Variants in IQCJ observed in about 807,000 individuals in gnomAD.
IQCJ encodes IQ domain-containing protein J.
In IQCJ, 9 loss-of-function variants were observed where a neutral mutation model predicts 11.0. The ratio of observed to expected loss-of-function variants is 0.82; its 90% confidence interval spans 0.49 to 1.43. The LOEUF is 1.43. Ranked by LOEUF, IQCJ falls within the 40% of genes most tolerant of loss-of-function variation. The pLI is 0.00. For missense variants in IQCJ, 146 were observed against 133.2 expected, an observed-to-expected ratio of 1.10 and a Z score of -0.47; for synonymous variants, 55 against 51.3, an observed-to-expected ratio of 1.07 and a Z score of -0.31.
intron 1 of IQCJ, among the ~76,000 whole-genome samples, chr3:159,161,202 C>G (rs1207562311): frequency 2.0e-5 from 3 of 152,160 alleles, no homozygotes; most frequent in Non-Finnish European, 4.4e-5. Context: ...TGTTTCCTGA[C>G]TTTTTAATGA....
intron 1 of IQCJ, among the ~76,000 whole-genome samples, chr3:159,090,436 A>G (rs576510503): frequency 3.3e-5 from 5 of 151,722 alleles, no homozygotes; most frequent in Admixed American, 6.6e-5. Context: ...CCACCCTCAC[A>G]TAAGTTCTGT....
rs144684807 is a variant in IQCJ at position 159,151,763 on chromosome 3, G to C, written c.9+82322G>C. Among the ~76,000 whole-genome samples the C allele has an allele frequency of 5.3e-3, 806 of 152,280 alleles. 9 individuals are homozygous for C. The highest frequency in any genetic ancestry group is 0.019 in the African/African-American group (771 of 41,558). On this transcript the variant is annotated intron_variant, in intron 1 of 3. Transcript: ENST00000397832. ...CCTTTCTCCTGCCTCAGCCTCCTGA[G>C]CAGCTGGGACTACAGGTGCCTGCCA...
intron 1 of IQCJ, among the ~76,000 whole-genome samples, chr3:159,239,905 G>A (rs940571913): frequency 6.6e-6 from 1 of 152,190 alleles, no homozygotes; most frequent in Non-Finnish European, 1.5e-5. Context: ...CAGGTGTGTA[G>A]TAAGCTATAC....
At chr3:159,071,814 A>C (rs1360676154) in intron 1 of IQCJ, among the ~76,000 whole-genome samples, 1 of 152,058 alleles carries the variant, frequency 6.6e-6, no homozygotes, top group Non-Finnish European at 1.5e-5. Context: ...TATTTTATGA[A>C]ACAAATTTAT....
chr3:159,150,587 C>A (rs1721155705), intron 1 of IQCJ, among the ~76,000 whole-genome samples: 1 of 149,448 alleles, frequency 6.7e-6, no homozygotes, highest in African/African-American at 2.5e-5. Context: ...GTCCCCAACA[C>A]ACACACACAC....
intron 1 of IQCJ, among the ~76,000 whole-genome samples, chr3:159,071,517 T>A (rs879870702): frequency 2.0e-5 from 3 of 152,098 alleles, no homozygotes; most frequent in Non-Finnish European, 2.9e-5. Flanking sequence ...TAAATACATA[T>A]ATAGAAATAT....
intron 1 of IQCJ, among the ~76,000 whole-genome samples, chr3:159,091,310 G>A (rs1339112690): frequency 6.6e-6 from 1 of 151,780 alleles, no homozygotes; most frequent in Non-Finnish European, 1.5e-5. Context: ...CAGGCTAGAA[G>A]TCCAAGATCA....
intron 3 of IQCJ, among the ~76,000 whole-genome samples, chr3:159,256,752 C>T (rs1331241267): frequency 2.0e-5 from 3 of 152,116 alleles, no homozygotes; most frequent in Non-Finnish European, 4.4e-5. Context: ...TTTTTATGTC[C>T]ACTTGGGCTA....
chr3:159,202,565 G>T (rs933364343), intron 1 of IQCJ, among the ~76,000 whole-genome samples: 1 of 152,158 alleles, frequency 6.6e-6, no homozygotes, highest in Admixed American at 6.5e-5. Context: ...TTCCTTCATG[G>T]TTCCTCTTGG....
chr3:159,083,284 T>C (rs1264031645), intron 1 of IQCJ, among the ~76,000 whole-genome samples: 1 of 152,170 alleles, frequency 6.6e-6, no homozygotes, highest in Non-Finnish European at 1.5e-5. Context: ...ATAATCCTTT[T>C]GGAAATTGGA....
chr3:159,085,337 T>C (rs1716655015), intron 1 of IQCJ, among the ~76,000 whole-genome samples: 1 of 151,902 alleles, frequency 6.6e-6, no homozygotes, highest in African/African-American at 2.4e-5. Flanking sequence ...TTTGGGTTGG[T>C]TCCAAGTCTT....
At chr3:159,175,124 C>T (rs1015039837) in intron 1 of IQCJ, among the ~76,000 whole-genome samples, 9 of 152,108 alleles carry the variant, frequency 5.9e-5, no homozygotes, top group African/African-American at 1.7e-4. Flanking sequence ...TTTTAATGTA[C>T]GATTCTATGA....
intron 1 of IQCJ, among the ~76,000 whole-genome samples, chr3:159,210,803 T>C (rs1724911409): frequency 6.6e-6 from 1 of 152,136 alleles, no homozygotes; most frequent in Non-Finnish European, 1.5e-5. Context: ...CCTGAGTAGC[T>C]GGATTACAGG....
At chr3:159,087,783 A>T (rs1199187524) in intron 1 of IQCJ, among the ~76,000 whole-genome samples, 3 of 151,184 alleles carry the variant, frequency 2.0e-5, no homozygotes, top group Admixed American at 2.0e-4. Context: ...ATCATTTTTT[A>T]TTGCATCTAT....
chr3:159,086,095 A>G (rs1482543691), intron 1 of IQCJ, among the ~76,000 whole-genome samples: 3 of 152,196 alleles, frequency 2.0e-5, no homozygotes, highest in Non-Finnish European at 4.4e-5. Context: ...ATTTTTGTAT[A>G]AGGTGTAAAG....
chr3:159,258,874 C>G (rs988330063), intron 3 of IQCJ, among the ~76,000 whole-genome samples: 3 of 152,146 alleles, frequency 2.0e-5, no homozygotes, highest in Non-Finnish European at 4.4e-5. Flanking sequence ...CTGAGAGCCT[C>G]TTGCCATCTT....
intron 3 of IQCJ, among the ~76,000 whole-genome samples, chr3:159,256,417 G>T (rs906448237): frequency 3.3e-5 from 5 of 152,168 alleles, no homozygotes; most frequent in African/African-American, 4.8e-5. Context: ...GAACTTTAAA[G>T]ATGTTTAGTA....
rs116213899 is a variant in IQCJ, at chr3:159,145,415, A to G, written c.9+75974A>G. Among the ~76,000 whole-genome samples the G allele has an allele frequency of 5.3e-3, 810 of 152,348 alleles. 3 individuals carry two copies. The highest frequency in any genetic ancestry group is 0.019 in the African/African-American group (776 of 41,582). ...CAAACAATCTATTTGCATTTTAAGA[A>G]GCAATGAAATGCTTTTATCACATAG... On this transcript the variant is annotated intron_variant, in intron 1 of 3. Coordinates refer to ENST00000397832, the MANE Select transcript of IQCJ (RefSeq NM_001042706.3).
intron 1 of IQCJ, among the ~76,000 whole-genome samples, chr3:159,205,108 A>C (rs1724574602): frequency 6.6e-6 from 1 of 152,208 alleles, no homozygotes; most frequent in Non-Finnish European, 1.5e-5. Context: ...CAGAAGGAAG[A>C]ATTCCCAAGA....
Sources: allele counts gnomAD v4.1 joint callset (sites outside exome capture counted in the v4.1 genomes callset), GRCh38; gene constraint gnomAD v4.1.1; transcripts MANE v1.5; gene names NCBI Gene and HGNC (gene_info 2026-07-23, HGNC 2026-07-21).